The following CLEC6A variants were observed in gnomAD, a reference collection of about 807,000 sequenced individuals.
CLEC6A encodes the protein C-type lectin domain containing 6A, also known as C-type lectin domain family 6 member A.
A neutral mutation model predicts 25.7 loss-of-function variants in CLEC6A; 22 were observed. The observed-to-expected ratio is 0.85, with a 90% confidence interval of 0.61 to 1.22. CLEC6A has a LOEUF of 1.22. CLEC6A is among the 50% of genes most tolerant of loss of function. The pLI is 0.00. For synonymous variants in CLEC6A, 92 were observed against 76.7 expected, an observed-to-expected ratio of 1.20 and a Z score of -1.04; for missense variants, 240 against 236.8, an observed-to-expected ratio of 1.01 and a Z score of -0.09.
At chr12:8,466,407 G>C (rs745497678) in intron 4 of CLEC6A, among the ~76,000 whole-genome samples, 6 of 152,292 alleles carry the variant, frequency 3.9e-5, no homozygotes, top group Middle Eastern at 3.4e-3. Context: ...ATACCCACAA[G>C]TGGGATTGCT....
In CLEC6A at chr12:8,477,314, C is replaced by T. The variant is rs1408240091; in HGVS notation, c.486-6C>T. 9.4e-6 allele frequency: 15 copies of T among 1,598,552 alleles called. No homozygotes were observed. Among genetic ancestry groups the T allele is most frequent in the Admixed American group, 8.9e-5 (5 of 56,162 alleles). ...AGATGTGTACTACCTTTTTGTTTTC[C>T]TTTAGATTTTGGCACCTAGGTGAGC... On this transcript the variant is annotated splice_region_variant and splice_polypyrimidine_tract_variant and intron_variant, in intron 5 of 5. Coordinates refer to ENST00000382073, the MANE Select transcript of CLEC6A (RefSeq NM_001007033.2).
intron 3 of CLEC6A, among the ~76,000 whole-genome samples, chr12:8,462,699 C>G (rs951107891): frequency 4.7e-4 from 71 of 152,148 alleles, no homozygotes; most frequent in Non-Finnish European, 7.8e-4. Context: ...ACATCCCCCT[C>G]TCTGAGAAAC....
intron 4 of CLEC6A, among the ~76,000 whole-genome samples, chr12:8,465,892 A>T (rs4460883): frequency 0.78 from 118,386 of 152,122 alleles, 46,466 homozygotes; most frequent in East Asian, 0.99. Flanking sequence ...TTAAATACTT[A>T]ATATAAGTGA....
chr12:8,461,205 TAC>T, intron 3 of CLEC6A: 1 of 922,334 alleles, frequency 1.1e-6, no homozygotes, highest in Non-Finnish European at 1.7e-6. Flanking sequence ...GAATGTGCAA[TAC>T]TCTCCAGCTC....
intron 3 of CLEC6A, among the ~76,000 whole-genome samples, chr12:8,462,024 ATTC>A (rs1939762984): frequency 6.6e-6 from 1 of 152,218 alleles, no homozygotes. Flanking sequence ...ACTAAGAAAA[ATTC>A]TTCTGCCTTG....
intron 4 of CLEC6A, among the ~76,000 whole-genome samples, chr12:8,466,969 A>G (rs1205813458): frequency 3.3e-5 from 5 of 152,076 alleles, no homozygotes; most frequent in Non-Finnish European, 5.9e-5. Flanking sequence ...TTTAAAACGT[A>G]CTGTTGACAA....
chr12:8,465,709 G>T, intron 4 of CLEC6A, 80 bp downstream of exon 4: 1 of 1,216,558 alleles, frequency 8.2e-7, no homozygotes, highest in South Asian at 1.4e-5. Context: ...ATTTTTCAGT[G>T]TACTGTTCAG....
At chr12:8,469,571 C>A (rs928659896) in intron 4 of CLEC6A, among the ~76,000 whole-genome samples, 5 of 152,094 alleles carry the variant, frequency 3.3e-5, no homozygotes, top group Non-Finnish European at 5.9e-5. Flanking sequence ...CAACATGGTA[C>A]TGGTATAAAA....
chr12:8,465,488 G>T lies in CLEC6A; in HGVS notation c.228G>T (p.Trp76Cys). ...TTTCATGTAACACAAAAATAGCCTG[G>T]GGATGTTGCCCAGCTTCTTGGAAGT... ...CFSEGTKVPAWGCCPASWKSF... is the reference protein window; with the variant it reads ...CFSEGTKVPACGCCPASWKSF... Residue 76 changes from tryptophan (W) to cysteine (C), a missense_variant, in exon 4 of 6, where the codon TGG (tryptophan) becomes TGT (cysteine). Transcript: ENST00000382073. 1 of 1,613,712 alleles carries T rather than the reference G, an allele frequency of 6.2e-7. No individual in the cohort carries two copies.
At chr12:8,476,518 T>G (rs1939976300) in intron 5 of CLEC6A, among the ~76,000 whole-genome samples, 1 of 152,086 alleles carries the variant, frequency 6.6e-6, no homozygotes. Context: ...GAGATGGTGC[T>G]CTAAACTATT....
At chr12:8,463,759 G>A (rs1412613432) in intron 3 of CLEC6A, among the ~76,000 whole-genome samples, 1 of 152,184 alleles carries the variant, frequency 6.6e-6, no homozygotes, top group African/African-American at 2.4e-5. Flanking sequence ...AAATGATTAT[G>A]ATTTACACCT....
chr12:8,461,498 A>T (rs1939753059), intron 3 of CLEC6A, among the ~76,000 whole-genome samples: 1 of 152,204 alleles, frequency 6.6e-6, no homozygotes, highest in African/African-American at 2.4e-5. Context: ...GGCATAAGAG[A>T]CTGTTCATTT....
chr12:8,471,787 T>A (rs1939909934), intron 4 of CLEC6A, among the ~76,000 whole-genome samples: 1 of 152,140 alleles, frequency 6.6e-6, no homozygotes, highest in Non-Finnish European at 1.5e-5. Context: ...ATGATAGTTT[T>A]CCCAGATACA....
chr12:8,465,354 C>A (rs762517254), intron 3 of CLEC6A, 130 bp from the exon 4 acceptor site: 17 of 840,366 alleles, frequency 2.0e-5, no homozygotes, highest in African/African-American at 1.9e-4. Flanking sequence ...TTCTAGGAAC[C>A]CAAATTCTAT....
At chr12:8,462,096 G>A (rs1185365572) in intron 3 of CLEC6A, among the ~76,000 whole-genome samples, 5 of 152,184 alleles carry the variant, frequency 3.3e-5, no homozygotes, top group Non-Finnish European at 5.9e-5. Flanking sequence ...CACGTGCTGT[G>A]TCAACTCAGG....
chr12:8,472,707 T>A (rs1258448631), intron 4 of CLEC6A, among the ~76,000 whole-genome samples: 1 of 152,160 alleles, frequency 6.6e-6, no homozygotes, highest in Non-Finnish European at 1.5e-5. Flanking sequence ...GGCTTTATAT[T>A]CTGCCATCTT....
At chr12:8,475,528 G>T (rs758254427) in intron 4 of CLEC6A, among the ~76,000 whole-genome samples, 1 of 152,108 alleles carries the variant, frequency 6.6e-6, no homozygotes, top group East Asian at 1.9e-4. Context: ...CTGAAATCCA[G>T]GGGAACCAAT....
intron 4 of CLEC6A, among the ~76,000 whole-genome samples, chr12:8,474,008 C>G (rs1939939783): frequency 6.6e-6 from 1 of 151,840 alleles, no homozygotes; most frequent in Non-Finnish European, 1.5e-5. Flanking sequence ...GTGAATATTT[C>G]TCATATTTTG....
chr12:8,473,419 A>G (rs1939932169), intron 4 of CLEC6A, among the ~76,000 whole-genome samples: 2 of 152,284 alleles, frequency 1.3e-5, no homozygotes, highest in South Asian at 4.1e-4. Context: ...AATCATTTTA[A>G]TGACTATATA....
Sources: allele counts gnomAD v4.1 joint callset (sites outside exome capture counted in the v4.1 genomes callset), GRCh38; gene constraint gnomAD v4.1.1; transcripts MANE v1.5; gene names NCBI Gene and HGNC (gene_info 2026-07-23, HGNC 2026-07-21).